The following PPFIA3 variants were observed in gnomAD, a reference collection of about 807,000 sequenced individuals.
PPFIA3 encodes liprin-alpha-3.
In PPFIA3, 26 loss-of-function variants were observed where a neutral mutation model predicts 145.8. The ratio of observed to expected loss-of-function variants is 0.18; its 90% CI spans 0.13 to 0.25. PPFIA3 has a LOEUF of 0.25. Among genes scored for constraint, PPFIA3 ranks in the 10% least tolerant of loss-of-function variants. PPFIA3 has a pLI of 1.00. For missense variants in PPFIA3, 1,008 were observed against 1,587.8 expected (o/e 0.63, Z 6.21); for synonymous variants, 645 against 661.4 (o/e 0.98, Z 0.38).
intron 1 of PPFIA3, among the ~76,000 whole-genome samples, chr19:49,127,421 GGAAAAGAAAA>G (rs1254372978): frequency 3.6e-4 from 52 of 146,166 alleles, no homozygotes; most frequent in Non-Finnish European, 5.2e-4. Context: ...AGTAGGGAAA[GGAAAAGAAAA>G]GAAAAGAAAA....
chr19:49,134,929 T>C lies in PPFIA3; in HGVS notation c.1520+14T>C. The stretch of plus-strand genomic sequence containing the variant: ...CTCCTACTCCAGGTGACAGCAGCCC[T>C]TCTGCCCTGCCCCCACCATGGAGCC... On this transcript the variant is annotated intron_variant, in intron 13 of 29. Coordinates refer to ENST00000334186, the MANE Select transcript of PPFIA3 (RefSeq NM_003660.4). 6.5e-7 allele frequency: 1 copy of C among 1,545,268 alleles called. No individual in the cohort carries two copies. The highest frequency in any genetic ancestry group is 8.7e-7 in the Non-Finnish European group (1 of 1,144,850).
Position 49,120,093 on chromosome 19 carries a change from C to T in PPFIA3, c.-16+371C>T, listed in dbSNP as rs952204954. On this transcript the variant is annotated intron_variant, in intron 1 of 29. Transcript: ENST00000334186. This position sits in a 1 kb window ranked among gnomAD's most constrained non-coding sequence, Gnocchi z 4.6. ...GCGTCCGCATCGTCCCCGCTTCGCG[C>T]ACTCCGTCTCCCGTCGCCAGCCTCG... 1.6e-4 allele frequency among the ~76,000 whole-genome samples: 24 copies of T among 152,174 alleles called. No individual in the cohort carries two copies. Among genetic ancestry groups the T allele is most frequent in the African/African-American group, 5.8e-4 (24 of 41,542 alleles).
At chr19:49,127,817 C>T in intron 1 of PPFIA3, 42 bp from the exon 2 acceptor site, 4 of 1,575,606 alleles carry the variant, frequency 2.5e-6, no homozygotes, top group Non-Finnish European at 2.6e-6. Flanking sequence ...TCTGTTGTGC[C>T]TTGACAAGGC....
chr19:49,125,173 G>A (rs1050693511), intron 1 of PPFIA3, among the ~76,000 whole-genome samples: 3 of 152,180 alleles, frequency 2.0e-5, no homozygotes, highest in Non-Finnish European at 2.9e-5. Flanking sequence ...CGCCTGCCTA[G>A]ATTCTCAGAT....
chr19:49,148,339 G>C lies in PPFIA3; in HGVS notation c.3011+81G>C, dbSNP rs899626574. ...TCTTTGGCCAATAGGATTGGCCATG[G>C]GAGATTCCCAGGCTTATCTTGGCCC... On this transcript the variant is annotated intron_variant, in intron 24 of 29. Transcript: ENST00000334186. 24 of 1,450,780 alleles carry C rather than the reference G, an allele frequency of 1.7e-5. No homozygotes were observed. The East Asian group carries it at 5.7e-4, about 34-fold the overall frequency. 89.9% of individuals were successfully genotyped at this position (1,450,780 alleles called of 1,614,324 possible).
rs375607717 is a variant in PPFIA3, at chr19:49,138,650, A to T, written c.2076+223A>T. On this transcript the variant is annotated intron_variant, in intron 16 of 29. Transcript: ENST00000334186. The stretch of plus-strand genomic sequence containing the variant: ...CAGATCTGGTCTACTTTTATTTCTC[A>T]TGCGTCAAGTTTCTGCATAGGATTT... Among the ~76,000 whole-genome samples the T allele has an allele frequency of 2.0e-3, 304 of 152,238 alleles. 2 individuals are homozygous for T. Among genetic ancestry groups the T allele is most frequent in the African/African-American group, 7.1e-3 (296 of 41,550 alleles).
intron 7 of PPFIA3, among the ~76,000 whole-genome samples, chr19:49,131,527 G>T (rs1008801422): frequency 6.6e-6 from 1 of 151,856 alleles, no homozygotes; most frequent in Non-Finnish European, 1.5e-5. Context: ...TCTGGCTTAG[G>T]CCGCTTTATC....
chr19:49,143,719 CAT>C (rs2122633490), intron 21 of PPFIA3, among the ~76,000 whole-genome samples: 1 of 152,292 alleles, frequency 6.6e-6, no homozygotes, highest in African/African-American at 2.4e-5. Flanking sequence ...TACAGAAAAT[CAT>C]GTGTACCCAG....
Position 49,149,593 on chromosome 19 carries a change from TCCGGGAGAAGGAC to T in PPFIA3, c.3403_3415del (p.Arg1135SerfsTer4), listed in dbSNP as rs2041321180. On this transcript the variant is annotated frameshift_variant, in exon 28 of 30. Coordinates refer to ENST00000334186, the MANE Select transcript of PPFIA3 (RefSeq NM_003660.4). LOFTEE classifies it high-confidence loss of function. This position sits in a 1 kb window ranked among gnomAD's most constrained non-coding sequence, Gnocchi z 5.7. The stretch of plus-strand genomic sequence containing the variant: ...CGCTCCCCATCCTGGCGGAAGATGT[TCCGGGAGAAGGAC>T]CTCCGAGGCGTAACTCCCGACTCAG... The T allele has an allele frequency of 6.2e-7, 1 of 1,614,034 alleles. No homozygotes were observed. Among genetic ancestry groups the T allele is most frequent in the Non-Finnish European group, 8.5e-7 (1 of 1,180,038 alleles).
chr19:49,124,086 G>C (rs1485462348), intron 1 of PPFIA3, among the ~76,000 whole-genome samples: 2 of 151,076 alleles, frequency 1.3e-5, no homozygotes, highest in East Asian at 3.9e-4. Flanking sequence ...ATAGACACTT[G>C]TAAGTTCCAA....
chr19:49,144,681 T>C (rs1359593232), intron 21 of PPFIA3, among the ~76,000 whole-genome samples: 2 of 151,826 alleles, frequency 1.3e-5, no homozygotes, highest in Non-Finnish European at 2.9e-5. Context: ...CCCACTGTAC[T>C]GCAGCCTGGG....
Position 49,134,869 on chromosome 19 carries a change from A to G in PPFIA3, c.1474A>G (p.Met492Val). 1 of 1,593,404 alleles carries G rather than the reference A, an allele frequency of 6.3e-7. No individual in the cohort carries two copies. Among genetic ancestry groups the G allele is most frequent in the South Asian group, 1.1e-5 (1 of 87,860 alleles). ...CTTGGCCGAAATGGAGCGGATGCAGATGGAGATCGACCAGCTGCGGGGGAG... is the reference window on the plus strand; with the variant it reads ...CTTGGCCGAAATGGAGCGGATGCAGGTGGAGATCGACCAGCTGCGGGGGAG... ...QLLAEMERMQ[M>V]EIDQLRGRPP... Residue 492 changes from methionine (M) to valine (V), a missense_variant, in exon 13 of 30, where the codon ATG becomes GTG. This residue lies in a region of PPFIA3 where 121 missense variants were observed against 138.2 expected (regional missense o/e 0.88). Transcript: ENST00000334186.
chr19:49,147,636 A>G (rs2041295039), intron 23 of PPFIA3, among the ~76,000 whole-genome samples: 1 of 151,982 alleles, frequency 6.6e-6, no homozygotes, highest in South Asian at 2.1e-4. Flanking sequence ...CAGTGAGACG[A>G]GATCGTGCCA....
At position 49,143,114 on chromosome 19, in the gene PPFIA3, C is replaced by G. The variant is rs2041242981; in HGVS notation, c.2745+110C>G. On this transcript the variant is annotated intron_variant, in intron 21 of 29. Transcript: ENST00000334186. ...ACTCCCCTGTCCCACGACCCTGCTT[C>G]TCATTGGCTTTTACCCCCCTCAGCC... 15 of 1,270,770 alleles carry G rather than the reference C, an allele frequency of 1.2e-5. No homozygotes were observed. In the South Asian group the frequency reaches 2.1e-4, roughly 17 times the overall value. The allele number at this position is 1,270,770 out of a possible 1,614,324, so 78.7% of individuals were successfully genotyped here. A position where few individuals can be genotyped will look rare whatever the true frequency, so the allele number is the denominator to read the frequency against.
chr19:49,130,131 GT>G lies in PPFIA3; in HGVS notation c.657+65del. On this transcript the variant is annotated intron_variant, in intron 6 of 29. Transcript: ENST00000334186. This position sits in a 1 kb window ranked among gnomAD's most constrained non-coding sequence, Gnocchi z 4.5. ...ACTCCCTGACTTTGTGATAGTGTTT[GT>G]AACGTTTGGTATCATCCTCACTGGC... 1 of 1,506,638 alleles carries G rather than the reference GT, an allele frequency of 6.6e-7. No individual in the cohort carries two copies. Among genetic ancestry groups the G allele is most frequent in the Non-Finnish European group, 9.1e-7 (1 of 1,100,186 alleles). 93.3% of individuals were successfully genotyped at this position (1,506,638 alleles called of 1,614,324 possible). A position where few individuals can be genotyped will look rare whatever the true frequency, so the allele number is the denominator to read the frequency against.
chr19:49,130,548 G>T lies in PPFIA3; in HGVS notation c.828G>T (p.Glu276Asp), dbSNP rs762741261. 1.9e-6 allele frequency: 3 copies of T among 1,573,222 alleles called. No individual in the cohort carries two copies. Among genetic ancestry groups the T allele is most frequent in the Non-Finnish European group, 2.6e-6 (3 of 1,160,378 alleles). Residue 276 changes from glutamate to aspartate, a missense_variant, in exon 7 of 30, where the codon GAG becomes GAT. Transcript: ENST00000334186. The surrounding 1 kb of genome is among the most constrained non-coding windows in gnomAD (Gnocchi z 4.5). The stretch of plus-strand genomic sequence containing the variant: ...AGGAGTTGGGCACCGCGCACCGTGA[G>T]CTGGGCAAGGCAGAGGAAGCCAACT... ...LEEELGTAHR[E>D]LGKAEEANSK...
rs369298116 is a variant in PPFIA3, at chr19:49,133,150, G to A, written c.1026+3G>A. 4 of 1,594,442 alleles carry A rather than the reference G, an allele frequency of 2.5e-6. No homozygotes were observed. In the African/African-American group the frequency reaches 5.4e-5, roughly 21 times the overall value. On this transcript the variant is annotated splice_donor_region_variant and intron_variant, in intron 8 of 29. Transcript: ENST00000334186. The surrounding 1 kb of genome is among the most constrained non-coding windows in gnomAD (Gnocchi z 7.2). Reference sequence around the variant, plus strand: ...GCAAGGAGTCGTTGTATCGGCAGGTGGGGGCGCGGCCGGGAGGGGCGATGG... The same window carrying A: ...GCAAGGAGTCGTTGTATCGGCAGGTAGGGGCGCGGCCGGGAGGGGCGATGG...
chr19:49,130,126 T>A lies in PPFIA3; in HGVS notation c.657+59T>A. 6.5e-7 allele frequency: 1 copy of A among 1,538,384 alleles called. No homozygotes were observed. Among genetic ancestry groups the A allele is most frequent in the Non-Finnish European group, 8.9e-7 (1 of 1,125,082 alleles). On this transcript the variant is annotated intron_variant, in intron 6 of 29. Transcript: ENST00000334186. This position sits in a 1 kb window ranked among gnomAD's most constrained non-coding sequence, Gnocchi z 4.5. ...ATTCAACTCCCTGACTTTGTGATAG[T>A]GTTTGTAACGTTTGGTATCATCCTC...
Position 49,128,386 on chromosome 19 carries a change from A to G in PPFIA3, c.260A>G (p.Lys87Arg), listed in dbSNP as rs764665514. 2 of 1,613,400 alleles carry G rather than the reference A, an allele frequency of 1.2e-6. No homozygotes were observed. Among genetic ancestry groups the G allele is most frequent in the African/African-American group, 2.7e-5 (2 of 74,778 alleles). The stretch of plus-strand genomic sequence containing the variant: ...GGACAGGAGTTTGCAGCTCTGACGA[A>G]GGAGCTGAACTTATGTCGGGAGCAG... ...ALPQEFAALTKELNLCREQLL... is the reference protein window; with the variant it reads ...ALPQEFAALTRELNLCREQLL... Residue 87 changes from lysine to arginine, a missense_variant, in exon 3 of 30, where the codon AAG becomes AGG. By Grantham distance (26) the Lys-to-Arg change is conservative. Transcript: ENST00000334186. The surrounding 1 kb of genome is among the most constrained non-coding windows in gnomAD (Gnocchi z 4.1).
Sources: allele counts gnomAD v4.1 joint callset (sites outside exome capture counted in the v4.1 genomes callset), GRCh38; gene constraint gnomAD v4.1.1; regional missense constraint gnomAD v4.1.1; non-coding constraint Gnocchi (gnomAD v3.1); transcripts MANE v1.5; gene names NCBI Gene and HGNC (gene_info 2026-07-23, HGNC 2026-07-21).